Variants in PRELID3B observed in about 807,000 individuals in gnomAD.
PRELID3B encodes PRELI domain containing protein 3B.
A neutral mutation model predicts 24.0 loss-of-function variants in PRELID3B; 15 were observed. The observed-to-expected ratio is 0.63, with a 90% CI of 0.42 to 0.96. The LOEUF (loss-of-function observed/expected upper bound fraction) is 0.96. Among genes scored for constraint, PRELID3B ranks in the 40% least tolerant of loss-of-function variants. PRELID3B has a pLI of 0.00. For missense variants in PRELID3B, 189 were observed against 236.0 expected, an observed-to-expected ratio of 0.80 and a Z score of 1.30; for synonymous variants, 62 against 76.0, an observed-to-expected ratio of 0.82 and a Z score of 0.96.
At chr20:59,035,735 C>T (rs1038410235) in intron 5 of PRELID3B, among the ~76,000 whole-genome samples, 7 of 152,172 alleles carry the variant, frequency 4.6e-5, no homozygotes, top group Non-Finnish European at 1.0e-4. Flanking sequence ...TAATTACATG[C>T]TGTATGATTA....
intron 5 of PRELID3B, among the ~76,000 whole-genome samples, chr20:59,035,346 A>C (rs960903840): frequency 6.6e-6 from 1 of 152,250 alleles, no homozygotes; most frequent in Non-Finnish European, 1.5e-5. Flanking sequence ...TGTATGCAAA[A>C]GATGTTCTCA....
rs746402109 is a variant in PRELID3B at position 59,037,175 on chromosome 20, G to C, written c.291+16C>G. 1.3e-6 allele frequency: 2 copies of C among 1,588,234 alleles called. No individual in the cohort carries two copies. Among genetic ancestry groups the C allele is most frequent in the Non-Finnish European group, 1.7e-6 (2 of 1,157,968 alleles). On this transcript the variant is annotated intron_variant, in intron 3 of 5. Coordinates refer to ENST00000355937, the MANE Select transcript of PRELID3B (RefSeq NM_016045.3). ...CCAGACAGTTCGAAATGAAACAAAA[G>C]GGAGCCAAGACTTACATTAGTAGAT...
rs368787511 is a variant in PRELID3B, at chr20:59,036,769, T to C, written c.292-9A>G. ...ATGTTTGTAAATGAAATCTACAGAA[T>C]GAAGAAAAAAAAAAAAGATCAAATC... On this transcript the variant is annotated splice_polypyrimidine_tract_variant and intron_variant, in intron 3 of 5. Transcript: ENST00000355937. 25 of 1,493,202 alleles carry C rather than the reference T, an allele frequency of 1.7e-5. No homozygotes were observed. In the Middle Eastern group the frequency reaches 1.0e-3, roughly 61 times the overall value. 92.5% of individuals were successfully genotyped at this position (1,493,202 alleles called of 1,614,324 possible). A position where few individuals can be genotyped will look rare whatever the true frequency, so the allele number is the denominator to read the frequency against.
Position 59,042,758 on chromosome 20 carries a change from G to C in PRELID3B, c.-28C>G. ...TGCCGGCACCCTGAGAGATGTCCGG[G>C]TAGCGCCAGGGGACAACGAGGCACA... On this transcript the variant is annotated 5_prime_UTR_variant, in exon 1 of 6. Transcript: ENST00000355937. 6.3e-7 allele frequency: 1 copy of C among 1,595,942 alleles called. No homozygotes were observed. Among genetic ancestry groups the C allele is most frequent in the Non-Finnish European group, 8.5e-7 (1 of 1,172,120 alleles).
Position 59,038,993 on chromosome 20 carries a change from T to C in PRELID3B, c.33-359A>G, listed in dbSNP as rs141117614. The stretch of plus-strand genomic sequence containing the variant: ...AAAAATTATGTTCTACTGAAACAAA[T>C]AGCCAAAAGTATCATTATGCCATTT... On this transcript the variant is annotated intron_variant, in intron 1 of 5. Coordinates refer to ENST00000355937, the MANE Select transcript of PRELID3B (RefSeq NM_016045.3). Among the ~76,000 whole-genome samples the C allele has an allele frequency of 2.1e-3, 313 of 152,344 alleles. 2 individuals are homozygous for C. Among genetic ancestry groups the C allele is most frequent in the Admixed American group, 5.9e-3 (91 of 15,308 alleles).
In PRELID3B at chr20:59,042,718, T is replaced by C; in HGVS notation, c.13A>G (p.Thr5Ala). Reference sequence around the variant, plus strand: ...ACTTACTCAAAGACGTGCTCCGAAGTCCAGATCTTCATGGTGCCGGCACCC... The same window carrying C: ...ACTTACTCAAAGACGTGCTCCGAAGCCCAGATCTTCATGGTGCCGGCACCC... Reference protein sequence around the residue: MKIWTSEHVFDHPWE... With the variant: MKIWASEHVFDHPWE... The change falls in exon 1 of 6, where the codon ACT becomes GCT. Residue 5 changes from threonine to alanine, a missense_variant. Coordinates refer to ENST00000355937, the MANE Select transcript of PRELID3B (RefSeq NM_016045.3). 6.2e-7 allele frequency: 1 copy of C among 1,601,848 alleles called. No individual in the cohort carries two copies.
chr20:59,038,785 T>G, intron 1 of PRELID3B, 151 bp from the exon 2 acceptor site: 4 of 1,035,788 alleles, frequency 3.9e-6, no homozygotes, highest in Non-Finnish European at 5.4e-6. Flanking sequence ...GAAACACTGA[T>G]GATTATGGGA....
At chr20:59,039,984 C>T (rs2092100019) in intron 1 of PRELID3B, among the ~76,000 whole-genome samples, 1 of 152,182 alleles carries the variant, frequency 6.6e-6, no homozygotes, top group African/African-American at 2.4e-5. Context: ...CTGATTCTTA[C>T]CAAGGCAACT....
In PRELID3B at chr20:59,038,459, CA is replaced by C; in HGVS notation, c.201+6del. 1 of 1,610,472 alleles carries C rather than the reference CA, an allele frequency of 6.2e-7. No individual in the cohort carries two copies. The highest frequency in any genetic ancestry group is 1.1e-5 in the South Asian group (1 of 90,450). On this transcript the variant is annotated splice_donor_region_variant and intron_variant, in intron 2 of 5. Coordinates refer to ENST00000355937, the MANE Select transcript of PRELID3B (RefSeq NM_016045.3). ...TCACATTTCTCCGGGAATAAAGACACACTTACAGACTTCACAATGGAAGGCA... is the reference window on the plus strand; with the variant it reads ...TCACATTTCTCCGGGAATAAAGACACCTTACAGACTTCACAATGGAAGGCA...
chr20:59,039,201 C>T (rs1321997389), intron 1 of PRELID3B, among the ~76,000 whole-genome samples: 3 of 152,186 alleles, frequency 2.0e-5, no homozygotes, highest in Non-Finnish European at 4.4e-5. Context: ...TCTTTATCTA[C>T]TGTTTTTCTC....
intron 2 of PRELID3B, 124 bp downstream of exon 2, chr20:59,038,342 C>A: frequency 1.4e-6 from 1 of 720,832 alleles, no homozygotes; most frequent in African/African-American, 1.8e-5. Flanking sequence ...TATTATAATA[C>A]AACTTGAACG....
At chr20:59,041,806 A>C (rs1409372000) in intron 1 of PRELID3B, among the ~76,000 whole-genome samples, 1 of 152,220 alleles carries the variant, frequency 6.6e-6, no homozygotes, top group East Asian at 1.9e-4. Flanking sequence ...TAGCATATTT[A>C]TTTACAAGGC....
At position 59,033,669 on chromosome 20, in the gene PRELID3B, T is replaced by C. The variant is rs2092050090; in HGVS notation, c.*1338A>G. On this transcript the variant is annotated 3_prime_UTR_variant, in exon 6 of 6. Transcript: ENST00000355937. Reference sequence around the variant, plus strand: ...TTATGTACATATATTAACTGGTCTCTTGGATAGGAAACATGACTAGAAGTT... The same window carrying C: ...TTATGTACATATATTAACTGGTCTCCTGGATAGGAAACATGACTAGAAGTT... 1 of 152,206 alleles carries C rather than the reference T, an allele frequency of 6.6e-6. No homozygotes were observed. Among genetic ancestry groups the C allele is most frequent in the Non-Finnish European group, 1.5e-5 (1 of 68,026 alleles). 9.4% of individuals were successfully genotyped at this position (152,206 alleles called of 1,614,324 possible).
intron 1 of PRELID3B, among the ~76,000 whole-genome samples, chr20:59,042,292 C>T (rs1028535759): frequency 6.6e-6 from 1 of 152,392 alleles, no homozygotes; most frequent in African/African-American, 2.4e-5. Context: ...AAAACCAACA[C>T]CTCCCTCTTG....
intron 2 of PRELID3B, among the ~76,000 whole-genome samples, chr20:59,037,519 C>T (rs574415853): frequency 2.0e-5 from 3 of 152,322 alleles, no homozygotes; most frequent in Admixed American, 6.5e-5. Context: ...CCACTGAGAA[C>T]GTCTGCAACG....
At chr20:59,038,768 A>G in intron 1 of PRELID3B, 134 bp from the exon 2 acceptor site, 1 of 1,131,292 alleles carries the variant, frequency 8.8e-7, no homozygotes, top group Non-Finnish European at 1.2e-6. Context: ...AGGAAAAATT[A>G]CCTTCTGAAA....
At chr20:59,038,668 A>T (rs2092091690) in intron 1 of PRELID3B, 34 bp from the exon 2 acceptor site, 3 of 1,206,796 alleles carry the variant, frequency 2.5e-6, no homozygotes, top group Non-Finnish European at 3.4e-6. Flanking sequence ...AAAAAAAAAA[A>T]TTCAGACATT....
chr20:59,038,128 G>A (rs578189821), intron 2 of PRELID3B: 3 of 201,434 alleles, frequency 1.5e-5, no homozygotes, highest in African/African-American at 2.3e-5. Context: ...ACTGACCACA[G>A]AACTGTCACC....
intron 1 of PRELID3B, among the ~76,000 whole-genome samples, 187 bp downstream of exon 1, chr20:59,042,512 C>G (rs2092117778): frequency 6.6e-6 from 1 of 152,198 alleles, no homozygotes; most frequent in Non-Finnish European, 1.5e-5. Context: ...GCCGTCCCCT[C>G]GGCTAGGGCG....
Sources: gnomAD v4.1 joint callset for allele counts (sites outside exome capture counted in the v4.1 genomes callset) on GRCh38, gnomAD v4.1.1 for gene constraint, MANE v1.5 for transcripts, NCBI Gene and HGNC (gene_info 2026-07-23, HGNC 2026-07-21) for gene names.